The following RTN1 variants were observed in gnomAD, a reference collection of about 807,000 sequenced individuals.
RTN1 encodes the protein reticulon-1.
Under a neutral mutation model 65.5 loss-of-function variants are expected in RTN1, and 25 were observed. The observed-to-expected ratio is 0.38, with a 90% CI of 0.28 to 0.53. The LOEUF is 0.53. Among genes scored for constraint, RTN1 ranks in the 20% least tolerant of loss-of-function variants. The pLI is 0.79. For missense variants in RTN1, 983 were observed against 1,025.4 expected, an observed-to-expected ratio of 0.96 and a Z score of 0.57; for synonymous variants, 471 against 447.6, an observed-to-expected ratio of 1.05 and a Z score of -0.66.
chr14:59,751,220 T>G (rs1885515388), intron 1 of RTN1, among the ~76,000 whole-genome samples: 1 of 139,184 alleles, frequency 7.2e-6, no homozygotes, highest in Admixed American at 7.5e-5. Flanking sequence ...TTTTTGCATA[T>G]GGCAGCCCCT....
chr14:59,788,267 GT>G (rs1311256431), intron 1 of RTN1, among the ~76,000 whole-genome samples: 6 of 152,004 alleles, frequency 3.9e-5, no homozygotes, highest in Admixed American at 3.3e-4. Flanking sequence ...AGTATGTTGG[GT>G]TTTTTTTCTT....
At chr14:59,713,740 C>T (rs962043670) in intron 3 of RTN1, among the ~76,000 whole-genome samples, 1 of 152,254 alleles carries the variant, frequency 6.6e-6, no homozygotes, top group African/African-American at 2.4e-5. Flanking sequence ...TGTGGTTATA[C>T]AAGATTTGTA....
intron 1 of RTN1, among the ~76,000 whole-genome samples, chr14:59,781,444 A>T (rs1469481891): frequency 6.6e-6 from 1 of 152,036 alleles, no homozygotes; most frequent in Non-Finnish European, 1.5e-5. Flanking sequence ...ATTGGAACAG[A>T]ACAGTAAGTG....
chr14:59,850,679 A>G (rs755233442), intron 1 of RTN1, among the ~76,000 whole-genome samples: 2 of 152,194 alleles, frequency 1.3e-5, no homozygotes, highest in Non-Finnish European at 2.9e-5. Context: ...ATCCATTCTA[A>G]ACCACTTGAA....
intron 1 of RTN1, among the ~76,000 whole-genome samples, chr14:59,756,238 CT>C (rs1297458475): frequency 6.6e-6 from 1 of 152,114 alleles, no homozygotes; most frequent in Non-Finnish European, 1.5e-5. Context: ...TTTTTGCCCA[CT>C]GTTTAAAGAT....
At chr14:59,841,714 AAC>A (rs1887316185) in intron 1 of RTN1, among the ~76,000 whole-genome samples, 2 of 144,028 alleles carry the variant, frequency 1.4e-5, no homozygotes, top group African/African-American at 5.5e-5. Flanking sequence ...TAAAAAAAAA[AAC>A]AAAAAAAAAA....
chr14:59,737,032 T>C (rs1332355242), intron 2 of RTN1, among the ~76,000 whole-genome samples: 1 of 152,172 alleles, frequency 6.6e-6, no homozygotes, highest in East Asian at 1.9e-4. Context: ...ATATGAGCCA[T>C]ATATGACAAA....
At chr14:59,630,350 C>T in intron 3 of RTN1, 2 of 1,509,232 alleles carry the variant, frequency 1.3e-6, no homozygotes, top group Non-Finnish European at 9.2e-7. Flanking sequence ...ATAAAGCATG[C>T]ACAGGTCCCA....
At chr14:59,749,499 A>T (rs1224326547) in intron 1 of RTN1, among the ~76,000 whole-genome samples, 14 of 73,770 alleles carry the variant, frequency 1.9e-4, no homozygotes, top group African/African-American at 8.3e-4. Flanking sequence ...ATCTATATAT[A>T]TCTATATATA....
intron 5 of RTN1, chr14:59,604,666 A>G (rs996707446): frequency 2.6e-5 from 4 of 152,274 alleles, no homozygotes; most frequent in African/African-American, 9.7e-5. Context: ...CTCCCAGTAC[A>G]AGCCCCTGCC....
At chr14:59,837,040 T>C (rs1887223860) in intron 1 of RTN1, among the ~76,000 whole-genome samples, 1 of 142,214 alleles carries the variant, frequency 7.0e-6, no homozygotes, top group Non-Finnish European at 1.5e-5. Flanking sequence ...TGGCCATATA[T>C]ATATAAAAGG....
intron 3 of RTN1, among the ~76,000 whole-genome samples, chr14:59,661,158 G>C (rs1041799083): frequency 3.4e-5 from 5 of 146,490 alleles, no homozygotes; most frequent in African/African-American, 1.0e-4. Flanking sequence ...TAAATTCCTG[G>C]ACACATACAC....
chr14:59,621,332 A>T (rs1228853100), intron 3 of RTN1, among the ~76,000 whole-genome samples: 1 of 152,222 alleles, frequency 6.6e-6, no homozygotes, highest in Non-Finnish European at 1.5e-5. Flanking sequence ...GTATACATTA[A>T]CTAAGAATAC....
intron 1 of RTN1, among the ~76,000 whole-genome samples, chr14:59,771,293 G>T (rs951282265): frequency 1.3e-5 from 2 of 152,182 alleles, no homozygotes; most frequent in Admixed American, 6.5e-5. Flanking sequence ...CTCAACAGGG[G>T]TCATCAGCTG....
intron 1 of RTN1, among the ~76,000 whole-genome samples, chr14:59,753,143 G>A (rs1389246974): frequency 6.6e-6 from 1 of 152,146 alleles, no homozygotes; most frequent in Non-Finnish European, 1.5e-5. Flanking sequence ...TCTGAGAACA[G>A]GGGCTTCTCA....
intron 1 of RTN1, among the ~76,000 whole-genome samples, chr14:59,833,116 T>C (rs931738335): frequency 5.3e-5 from 8 of 152,188 alleles, no homozygotes; most frequent in African/African-American, 1.9e-4. Context: ...TCTAAAATGA[T>C]TACACATCAG....
At chr14:59,740,952 T>C (rs1014605305) in intron 2 of RTN1, among the ~76,000 whole-genome samples, 2 of 152,178 alleles carry the variant, frequency 1.3e-5, no homozygotes, top group African/African-American at 4.8e-5. Flanking sequence ...CCCAGGGTGA[T>C]GTGTTTGCTG....
chr14:59,795,747 AG>A (rs1886427761), intron 1 of RTN1, among the ~76,000 whole-genome samples: 1 of 152,168 alleles, frequency 6.6e-6, no homozygotes, highest in Non-Finnish European at 1.5e-5. Flanking sequence ...GTAGCACATC[AG>A]TATCTAGACT....
intron 3 of RTN1, among the ~76,000 whole-genome samples, chr14:59,701,420 A>C (rs1884175104): frequency 6.6e-6 from 1 of 152,206 alleles, no homozygotes; most frequent in Non-Finnish European, 1.5e-5. Context: ...AAACAACTCA[A>C]ATGTCCACCA....
Sources: allele counts gnomAD v4.1 joint callset (sites outside exome capture counted in the v4.1 genomes callset), GRCh38; gene constraint gnomAD v4.1.1; transcripts MANE v1.5; gene names NCBI Gene and HGNC (gene_info 2026-07-23, HGNC 2026-07-21).